Variants in UTRN observed in about 807,000 individuals in gnomAD.
The protein encoded by UTRN is dystrophin-related protein 1.
Under a neutral mutation model 463.9 loss-of-function variants are expected in UTRN, and 283 were observed. That is an observed-to-expected ratio of 0.61 (90% CI 0.55 to 0.67). The LOEUF (loss-of-function observed/expected upper bound fraction) is 0.67. Among genes scored for constraint, UTRN ranks in the 30% least tolerant of loss-of-function variants. The pLI is 0.00. For synonymous variants in UTRN, 1,442 were observed against 1,431.5 expected, an observed-to-expected ratio of 1.01 and a Z score of -0.17; for missense variants, 3,922 against 4,084.3, an observed-to-expected ratio of 0.96 and a Z score of 1.08.
At chr6:144,754,030 TTC>T (rs1175502453) in intron 56 of UTRN, among the ~76,000 whole-genome samples, 2 of 152,144 alleles carry the variant, frequency 1.3e-5, no homozygotes, top group African/African-American at 4.8e-5. Context: ...TGTCTTTTCA[TTC>T]TCTGTTTATC....
At position 144,490,955 on chromosome 6, in the gene UTRN, G is replaced by C; in HGVS notation, c.4290G>C (p.Lys1430Asn). The change falls in exon 32 of 75, where the codon AAG (lysine) becomes AAC (asparagine). Residue 1430 changes from lysine (K) to asparagine (N), a missense_variant. Physicochemically the swap from Lys to Asn is moderately conservative, Grantham distance 94. Transcript: ENST00000367545. ...LQRKLREVST[K>N]FQLFQKPANF... ...GGAAACTCCGAGAGGTGTCCACAAAGTTCCAGCTTTTCCAGAAGCCAGCTA... is the reference window on the plus strand; with the variant it reads ...GGAAACTCCGAGAGGTGTCCACAAACTTCCAGCTTTTCCAGAAGCCAGCTA... 2 of 1,608,204 alleles carry C rather than the reference G, an allele frequency of 1.2e-6. No homozygotes were observed. The highest frequency in any genetic ancestry group is 1.7e-6 in the Non-Finnish European group (2 of 1,177,222).
chr6:144,617,797 A>C (rs1434377638), intron 51 of UTRN, among the ~76,000 whole-genome samples: 1 of 152,154 alleles, frequency 6.6e-6, no homozygotes, highest in Non-Finnish European at 1.5e-5. Flanking sequence ...AATAAGCTGC[A>C]CAGAGCTACT....
chr6:144,556,090 TA>T (rs1302994705), intron 49 of UTRN, among the ~76,000 whole-genome samples: 2 of 152,246 alleles, frequency 1.3e-5, no homozygotes, highest in East Asian at 3.8e-4. Flanking sequence ...TATAAAATTA[TA>T]AAATATTCTT....
intron 22 of UTRN, among the ~76,000 whole-genome samples, chr6:144,461,650 G>A (rs1192230164): frequency 1.3e-5 from 2 of 152,156 alleles, no homozygotes; most frequent in Non-Finnish European, 1.5e-5. Flanking sequence ...ACGTGTTGAT[G>A]TATACTTTTT....
intron 60 of UTRN, 147 bp downstream of exon 60, chr6:144,774,511 A>G (rs1775144827): frequency 4.4e-6 from 3 of 687,320 alleles, no homozygotes; most frequent in Non-Finnish European, 4.7e-6. Flanking sequence ...TTTTGTTTCT[A>G]TAAATGTTTT....
intron 53 of UTRN, 137 bp from the exon 54 acceptor site, chr6:144,730,220 G>C (rs1788370830): frequency 1.1e-6 from 1 of 944,270 alleles, no homozygotes. Context: ...TTTACATTTT[G>C]GCTTCTAACT....
rs558577493 is a variant in UTRN, at chr6:144,768,615, G to A, written c.8496-3292G>A. 3.3e-4 allele frequency among the ~76,000 whole-genome samples: 51 copies of A among 152,294 alleles called. 1 individual carries two copies. The South Asian group carries it at 0.01, about 30-fold the overall frequency. On this transcript the variant is annotated intron_variant, in intron 58 of 74. Transcript: ENST00000367545. The stretch of plus-strand genomic sequence containing the variant: ...ATAGTGAGATTAGGGATGCTAAAAT[G>A]AATTTACCTCTGGATGCAAAGCTGA...
chr6:144,350,029 A>G (rs1777973961), intron 2 of UTRN, among the ~76,000 whole-genome samples: 1 of 152,212 alleles, frequency 6.6e-6, no homozygotes, highest in African/African-American at 2.4e-5. Flanking sequence ...CCATTGTGCT[A>G]AAGTGAAATT....
rs138179635 is a variant in UTRN at position 144,764,609 on chromosome 6, A to G, written c.8495+6620A>G. 3.0e-3 allele frequency among the ~76,000 whole-genome samples: 460 copies of G among 152,320 alleles called. 2 individuals are homozygous for G. The highest frequency in any genetic ancestry group is 0.01 in the African/African-American group (435 of 41,582). On this transcript the variant is annotated intron_variant, in intron 58 of 74. Transcript: ENST00000367545. Reference sequence around the variant, plus strand: ...TGGGGCCATTTAGAGAGGAAAAAAGATATCTATACTTTATAAAGATTAAAT... The same window carrying G: ...TGGGGCCATTTAGAGAGGAAAAAAGGTATCTATACTTTATAAAGATTAAAT...
chr6:144,542,131 T>C (rs561997900), intron 45 of UTRN, among the ~76,000 whole-genome samples: 3 of 152,274 alleles, frequency 2.0e-5, no homozygotes, highest in East Asian at 3.9e-4. Flanking sequence ...TTTTGAAATA[T>C]TGCTATAGCT....
At chr6:144,321,459 A>ATT (rs1775636465) in intron 2 of UTRN, among the ~76,000 whole-genome samples, 1 of 132,046 alleles carries the variant, frequency 7.6e-6, no homozygotes, top group Non-Finnish European at 1.6e-5. Context: ...GCTGTGCCAT[A>ATT]TCTTTTTTTT....
At chr6:144,474,273 T>TA (rs373633406) in intron 24 of UTRN, among the ~76,000 whole-genome samples, 1 of 151,988 alleles carries the variant, frequency 6.6e-6, no homozygotes, top group Non-Finnish European at 1.5e-5. Context: ...CCCTAGAACT[T>TA]AAAGTGTTAA....
At chr6:144,552,643 A>G (rs984705320) in intron 48 of UTRN, among the ~76,000 whole-genome samples, 3 of 152,314 alleles carry the variant, frequency 2.0e-5, no homozygotes, top group East Asian at 1.9e-4. Flanking sequence ...TAGAGGTTCT[A>G]TAACCTTCAT....
intron 2 of UTRN, among the ~76,000 whole-genome samples, chr6:144,358,539 G>T (rs1212267553): frequency 6.6e-6 from 1 of 152,092 alleles, no homozygotes; most frequent in Non-Finnish European, 1.5e-5. Context: ...CATTTGGTGG[G>T]GTCCCATGGA....
chr6:144,315,181 C>CAAT (rs1775202248), intron 2 of UTRN, among the ~76,000 whole-genome samples: 1 of 152,158 alleles, frequency 6.6e-6, no homozygotes. Flanking sequence ...AGCTGAAAGA[C>CAAT]AATACTGCAG....
At chr6:144,499,788 C>T (rs1250069107) in intron 34 of UTRN, among the ~76,000 whole-genome samples, 1 of 152,044 alleles carries the variant, frequency 6.6e-6, no homozygotes, top group Non-Finnish European at 1.5e-5. Context: ...CTCTACTAGT[C>T]CCCAGTGTTT....
chr6:144,455,697 T>C (rs1343889040), intron 19 of UTRN, among the ~76,000 whole-genome samples: 1 of 152,212 alleles, frequency 6.6e-6, no homozygotes, highest in East Asian at 1.9e-4. Flanking sequence ...CTCCTGTCCT[T>C]TTCTAGTTTC....
At chr6:144,666,906 G>A (rs74379322) in intron 51 of UTRN, among the ~76,000 whole-genome samples, 266 of 152,284 alleles carry the variant, frequency 1.7e-3, no homozygotes, top group African/African-American at 6.1e-3. Context: ...GATCTGATGT[G>A]AGAAGGCGAA....
At chr6:144,455,561 C>T (rs1175815769) in intron 19 of UTRN, among the ~76,000 whole-genome samples, 2 of 152,130 alleles carry the variant, frequency 1.3e-5, no homozygotes, top group Non-Finnish European at 2.9e-5. Context: ...ACTCCCATTT[C>T]TGTCAGGTTT....
Sources: gnomAD v4.1 joint callset for allele counts (sites outside exome capture counted in the v4.1 genomes callset) on GRCh38, gnomAD v4.1.1 for gene constraint, MANE v1.5 for transcripts, NCBI Gene and HGNC (gene_info 2026-07-23, HGNC 2026-07-21) for gene names.